The following FANCL variants were observed in gnomAD, a reference collection of about 807,000 sequenced individuals.
FANCL encodes E3 ubiquitin-protein ligase FANCL.
In FANCL, 69 loss-of-function variants were observed where a neutral mutation model predicts 59.4. That is an observed-to-expected ratio of 1.16 (90% CI 0.96 to 1.42). The LOEUF is 1.42. Among genes scored for constraint, FANCL ranks in the 40% most tolerant of loss-of-function variants. The pLI, the probability that FANCL is intolerant of heterozygous loss-of-function variation, is 0.00. For missense variants in FANCL, 519 were observed against 447.2 expected, an observed-to-expected ratio of 1.16 and a Z score of -1.45; for synonymous variants, 180 against 147.1, an observed-to-expected ratio of 1.22 and a Z score of -1.62.
At position 58,160,103 on chromosome 2, in the gene FANCL, C is replaced by T; in HGVS notation, c.1092+5G>A. ...TTTATGAGATGTGATTAACAATTTG[C>T]TTACCTTACTACAATATGGACATTC... On this transcript the variant is annotated splice_donor_5th_base_variant and intron_variant, in intron 13 of 13. Transcript: ENST00000233741. 6.2e-7 allele frequency: 1 copy of T among 1,611,920 alleles called. No homozygotes were observed.
intron 7 of FANCL, among the ~76,000 whole-genome samples, chr2:58,178,747 G>C (rs889343962): frequency 1.3e-5 from 2 of 152,144 alleles, no homozygotes; most frequent in Non-Finnish European, 2.9e-5. Flanking sequence ...TCAGGCAAGA[G>C]AAAGAAATAA....
At chr2:58,222,455 C>G (rs1183471110) in intron 4 of FANCL, among the ~76,000 whole-genome samples, 1 of 152,036 alleles carries the variant, frequency 6.6e-6, no homozygotes, top group African/African-American at 2.4e-5. Flanking sequence ...CCTAAACTGA[C>G]ATATTTGTAT....
At chr2:58,195,449 C>T (rs1008147617) in intron 7 of FANCL, among the ~76,000 whole-genome samples, 8 of 152,056 alleles carry the variant, frequency 5.3e-5, no homozygotes, top group African/African-American at 1.7e-4. Context: ...AATATAGGGG[C>T]TATCTCATAC....
chr2:58,201,540 C>A (rs1558787147), intron 6 of FANCL, among the ~76,000 whole-genome samples: 1 of 151,908 alleles, frequency 6.6e-6, no homozygotes, highest in African/African-American at 2.4e-5. Context: ...CAAATTGCAG[C>A]AGAGAAAGAG....
chr2:58,192,196 C>T (rs140999751), intron 7 of FANCL, among the ~76,000 whole-genome samples: 1 of 152,020 alleles, frequency 6.6e-6, no homozygotes, highest in African/African-American at 2.4e-5. Flanking sequence ...CTTTGCCATT[C>T]CACAAGTATC....
chr2:58,190,079 C>G (rs1459780325), intron 7 of FANCL, among the ~76,000 whole-genome samples: 1 of 151,948 alleles, frequency 6.6e-6, no homozygotes, highest in Non-Finnish European at 1.5e-5. Flanking sequence ...ATATTCAGTT[C>G]ATTTGAAGTT....
intron 5 of FANCL, among the ~76,000 whole-genome samples, chr2:58,212,540 TG>T (rs1691286828): frequency 3.3e-5 from 5 of 152,296 alleles, no homozygotes; most frequent in Middle Eastern, 6.8e-3. Flanking sequence ...CTAGGCAAAA[TG>T]GTATGCATGA....
intron 7 of FANCL, among the ~76,000 whole-genome samples, chr2:58,184,665 T>C (rs1335652339): frequency 6.6e-6 from 1 of 151,984 alleles, no homozygotes; most frequent in Non-Finnish European, 1.5e-5. Context: ...TAAACATACA[T>C]ACATAAGGCT....
intron 7 of FANCL, among the ~76,000 whole-genome samples, chr2:58,170,213 G>T (rs994709900): frequency 3.3e-5 from 5 of 152,200 alleles, no homozygotes; most frequent in African/African-American, 1.2e-4. Flanking sequence ...CAAGCCAGAA[G>T]AGAGTGGGGG....
chr2:58,160,036 T>C (rs1684876857), intron 13 of FANCL, 72 bp downstream of exon 13: 2 of 1,602,674 alleles, frequency 1.2e-6, no homozygotes, highest in Non-Finnish European at 1.7e-6. Context: ...ATATACTATA[T>C]AGATCTATCT....
intron 4 of FANCL, 77 bp from the exon 5 acceptor site, chr2:58,222,119 A>C (rs1379016996): frequency 6.0e-6 from 6 of 1,002,904 alleles, no homozygotes; most frequent in Non-Finnish European, 9.3e-6. Flanking sequence ...GCAAAACATA[A>C]TTTCATTATC....
intron 7 of FANCL, among the ~76,000 whole-genome samples, chr2:58,187,831 T>C (rs1440575454): frequency 6.6e-6 from 1 of 152,182 alleles, no homozygotes; most frequent in Non-Finnish European, 1.5e-5. Context: ...GTTCTTTATA[T>C]ATTTTAAACA....
intron 5 of FANCL, among the ~76,000 whole-genome samples, chr2:58,214,196 A>T (rs1691474621): frequency 6.6e-6 from 1 of 152,204 alleles, no homozygotes; most frequent in Admixed American, 6.5e-5. Flanking sequence ...GGAGGCAATT[A>T]TATTGTGATA....
chr2:58,173,831 C>T (rs996710441), intron 7 of FANCL, among the ~76,000 whole-genome samples: 5 of 152,064 alleles, frequency 3.3e-5, no homozygotes, highest in Admixed American at 3.3e-4. Context: ...AATTAAAAGA[C>T]ATAGACTGGC....
rs541858058 is a variant in FANCL at position 58,172,094 on chromosome 2, G to T, written c.541-6220C>A. Among the ~76,000 whole-genome samples, 8 of 152,342 alleles carry T rather than the reference G, an allele frequency of 5.3e-5. 1 individual carries two copies. In the East Asian group the frequency reaches 5.8e-4, roughly 11 times the overall value. On this transcript the variant is annotated intron_variant, in intron 7 of 13. Coordinates refer to ENST00000233741, the MANE Select transcript of FANCL (RefSeq NM_018062.4). ...GCTAGCTTAGGAAAACAAAGCAGCCGGGAAGCTCGAACTGGGTGGAGCCCA... is the reference window on the plus strand; with the variant it reads ...GCTAGCTTAGGAAAACAAAGCAGCCTGGAAGCTCGAACTGGGTGGAGCCCA...
intron 7 of FANCL, among the ~76,000 whole-genome samples, chr2:58,195,613 A>C (rs923584620): frequency 5.9e-5 from 9 of 152,154 alleles, no homozygotes; most frequent in African/African-American, 1.7e-4. Context: ...AAATATATAC[A>C]AAGTTAAAAG....
intron 4 of FANCL, among the ~76,000 whole-genome samples, chr2:58,226,100 G>A (rs1377972565): frequency 7.9e-5 from 12 of 152,020 alleles, no homozygotes; most frequent in Non-Finnish European, 1.8e-4. Context: ...ATACTATGGT[G>A]TCTTTCTTCT....
chr2:58,223,341 T>C (rs934351710), intron 4 of FANCL, among the ~76,000 whole-genome samples: 62 of 152,130 alleles, frequency 4.1e-4, no homozygotes, highest in Middle Eastern at 3.4e-3. Flanking sequence ...ACTATGAAGA[T>C]TGTGCTCTAC....
intron 7 of FANCL, among the ~76,000 whole-genome samples, chr2:58,172,299 T>G (rs1374107650): frequency 6.6e-6 from 1 of 152,186 alleles, no homozygotes; most frequent in Non-Finnish European, 1.5e-5. Context: ...ACTGCCTCCT[T>G]AAGTGGGTTC....
Sources: gnomAD v4.1 joint callset for allele counts (sites outside exome capture counted in the v4.1 genomes callset) on GRCh38, gnomAD v4.1.1 for gene constraint, MANE v1.5 for transcripts, NCBI Gene and HGNC (gene_info 2026-07-23, HGNC 2026-07-21) for gene names.